Variants in GRID2 observed in about 807,000 individuals in gnomAD.
GRID2 encodes glutamate receptor ionotropic, delta-2.
In GRID2, 33 loss-of-function variants were observed where a neutral mutation model predicts 114.8. The ratio of observed to expected loss-of-function variants is 0.29; its 90% CI spans 0.22 to 0.38. GRID2 has a LOEUF of 0.38. Ranked by LOEUF, GRID2 falls within the 10% of genes least tolerant of loss-of-function variation. GRID2 has a pLI of 1.00. For synonymous variants in GRID2, 505 were observed against 449.9 expected (o/e 1.12, Z -1.55); for missense variants, 1,184 against 1,257.7 (o/e 0.94, Z 0.89).
intron 2 of GRID2, among the ~76,000 whole-genome samples, chr4:92,775,739 T>C (rs899651161): frequency 1.3e-5 from 2 of 152,136 alleles, no homozygotes; most frequent in African/African-American, 2.4e-5. Context: ...TGTTAAAGTA[T>C]TGAACCAGCA....
At chr4:93,465,295 G>T (rs2149426126) in intron 11 of GRID2, among the ~76,000 whole-genome samples, 1 of 152,280 alleles carries the variant, frequency 6.6e-6, no homozygotes, top group African/African-American at 2.4e-5. Flanking sequence ...GAAAGAAATT[G>T]TTCAAATAAC....
chr4:92,393,626 T>G (rs1179289069), intron 1 of GRID2, among the ~76,000 whole-genome samples: 1 of 152,180 alleles, frequency 6.6e-6, no homozygotes, highest in East Asian at 1.9e-4. Context: ...TTTTATTTTC[T>G]TTCACCAACC....
At position 93,762,539 on chromosome 4, in the gene GRID2, G is replaced by A. The variant is rs372718587; in HGVS notation, c.2361-6671G>A. Reference sequence around the variant, plus strand: ...ACCTAGGGTGTAAGAAGGATATTCAGGAGAGGAAAGGAAGCCTTACTTCTT... The same window carrying A: ...ACCTAGGGTGTAAGAAGGATATTCAAGAGAGGAAAGGAAGCCTTACTTCTT... On this transcript the variant is annotated intron_variant, in intron 14 of 15. Transcript: ENST00000282020. Among the ~76,000 whole-genome samples, 371 of 152,224 alleles carry A rather than the reference G, an allele frequency of 2.4e-3. 1 individual carries two copies. Among genetic ancestry groups the A allele is most frequent in the African/African-American group, 8.7e-3 (361 of 41,544 alleles).
intron 11 of GRID2, among the ~76,000 whole-genome samples, chr4:93,479,886 C>A (rs1386299100): frequency 1.3e-5 from 2 of 151,944 alleles, no homozygotes; most frequent in Non-Finnish European, 2.9e-5. Flanking sequence ...CCAGTTGACA[C>A]CTAAAATGAG....
At chr4:93,176,244 A>T (rs1026948567) in intron 4 of GRID2, among the ~76,000 whole-genome samples, 1 of 152,198 alleles carries the variant, frequency 6.6e-6, no homozygotes, top group Admixed American at 6.5e-5. Flanking sequence ...AATAAGCTAT[A>T]GATTGGATAA....
intron 14 of GRID2, among the ~76,000 whole-genome samples, chr4:93,714,928 A>G (rs60802566): frequency 0.055 from 8,423 of 152,218 alleles, 770 homozygotes; most frequent in African/African-American, 0.19. Flanking sequence ...GAAGCCCTTC[A>G]GTTTAATTAG....
intron 4 of GRID2, among the ~76,000 whole-genome samples, chr4:93,197,515 A>G (rs966750174): frequency 1.6e-4 from 25 of 152,124 alleles, no homozygotes; most frequent in African/African-American, 6.0e-4. Context: ...AGCTTATACT[A>G]TTATTATTAA....
chr4:92,734,786 T>C (rs1445978959), intron 2 of GRID2, among the ~76,000 whole-genome samples: 1 of 151,254 alleles, frequency 6.6e-6, no homozygotes, highest in Non-Finnish European at 1.5e-5. Context: ...TTTTTTCTTT[T>C]TTTTTTTTCT....
intron 4 of GRID2, among the ~76,000 whole-genome samples, chr4:93,204,420 T>C (rs1427037934): frequency 1.3e-5 from 2 of 152,186 alleles, no homozygotes; most frequent in Non-Finnish European, 2.9e-5. Context: ...TTTATTTATT[T>C]ATCTGTAGTA....
chr4:93,666,786 A>T (rs1723986866), intron 14 of GRID2, among the ~76,000 whole-genome samples: 1 of 152,110 alleles, frequency 6.6e-6, no homozygotes, highest in African/African-American at 2.4e-5. Context: ...AATTAGGATG[A>T]ATTCATAACA....
intron 8 of GRID2, among the ~76,000 whole-genome samples, chr4:93,325,782 T>A (rs910312822): frequency 6.6e-6 from 1 of 152,152 alleles, no homozygotes; most frequent in African/African-American, 2.4e-5. Flanking sequence ...TCTTTCTTAT[T>A]TTGATACTGG....
Position 93,614,068 on chromosome 4 carries a change from C to G in GRID2, c.2194-12201C>G, listed in dbSNP as rs1318814404. On this transcript the variant is annotated intron_variant, in intron 13 of 15. Transcript: ENST00000282020. ...GCGCAATATTCGGGTGGGAGTGACC[C>G]GATTTTCCAGGTGCGTCCGTCACCC... Among the ~76,000 whole-genome samples the G allele has an allele frequency of 2.0e-5, 3 of 152,046 alleles. No individual in the cohort carries two copies. The East Asian group carries it at 5.8e-4, about 30-fold the overall frequency.
At chr4:92,344,198 G>C (rs1256691618) in intron 1 of GRID2, among the ~76,000 whole-genome samples, 1 of 152,128 alleles carries the variant, frequency 6.6e-6, no homozygotes, top group Non-Finnish European at 1.5e-5. Flanking sequence ...GAGCTGATCT[G>C]AGACTACATT....
intron 5 of GRID2, among the ~76,000 whole-genome samples, chr4:93,207,846 G>A (rs1039220354): frequency 2.6e-5 from 4 of 151,864 alleles, no homozygotes; most frequent in African/African-American, 9.7e-5. Flanking sequence ...CTCCTTACAT[G>A]AGTATTAAAA....
At chr4:92,735,609 A>G (rs866652251) in intron 2 of GRID2, among the ~76,000 whole-genome samples, 1 of 152,270 alleles carries the variant, frequency 6.6e-6, no homozygotes, top group Middle Eastern at 3.4e-3. Flanking sequence ...AACTTTAATT[A>G]ACTACACTCT....
chr4:93,459,733 G>A (rs907027738), intron 11 of GRID2, among the ~76,000 whole-genome samples: 3 of 151,978 alleles, frequency 2.0e-5, no homozygotes, highest in Admixed American at 6.6e-5. Flanking sequence ...CTGTTACCTA[G>A]GCAACTCTCT....
At chr4:93,231,736 T>C (rs1746174686) in intron 7 of GRID2, among the ~76,000 whole-genome samples, 1 of 152,164 alleles carries the variant, frequency 6.6e-6, no homozygotes, top group African/African-American at 2.4e-5. Context: ...GACTAGTACG[T>C]TGGATGATCT....
intron 8 of GRID2, among the ~76,000 whole-genome samples, chr4:93,386,244 T>A (rs1291835791): frequency 1.3e-5 from 2 of 152,172 alleles, no homozygotes; most frequent in African/African-American, 4.8e-5. Context: ...ATGTCATTTG[T>A]TAGCTGAGTA....
At chr4:93,578,917 C>T (rs934524251) in intron 13 of GRID2, among the ~76,000 whole-genome samples, 1 of 152,106 alleles carries the variant, frequency 6.6e-6, no homozygotes, top group Non-Finnish European at 1.5e-5. Context: ...AACTGTCAGA[C>T]ATTCTTCCAT....
Sources: allele counts gnomAD v4.1 joint callset (sites outside exome capture counted in the v4.1 genomes callset), GRCh38; gene constraint gnomAD v4.1.1; transcripts MANE v1.5; gene names NCBI Gene and HGNC (gene_info 2026-07-23, HGNC 2026-07-21).